The following RINT1 variants were observed in gnomAD, a reference collection of about 807,000 sequenced individuals.
The protein encoded by RINT1 is RAD50-interacting protein 1.
RINT1 carries 75 observed loss-of-function variants against 97.7 expected under a neutral mutation model. The observed-to-expected ratio is 0.77, with a 90% CI of 0.64 to 0.93. The LOEUF (loss-of-function observed/expected upper bound fraction) is 0.93, where lower values mean the gene tolerates loss of function less well. Ranked by LOEUF, RINT1 falls within the 40% of genes least tolerant of loss-of-function variation. The pLI, the probability that RINT1 is intolerant of heterozygous loss-of-function variation, is 0.00. For synonymous variants in RINT1, 303 were observed against 326.3 expected (o/e 0.93, Z 0.77); for missense variants, 892 against 925.2 (o/e 0.96, Z 0.47).
At chr7:105,537,376 T>C (rs62486989) in intron 3 of RINT1, among the ~76,000 whole-genome samples, 3 of 151,760 alleles carry the variant, frequency 2.0e-5, no homozygotes, top group African/African-American at 7.2e-5. Context: ...GTGATCCACC[T>C]GCCTTGGCCT....
chr7:105,545,935 C>T (rs1297265751), intron 4 of RINT1, among the ~76,000 whole-genome samples: 1 of 142,742 alleles, frequency 7.0e-6, no homozygotes, highest in Non-Finnish European at 1.5e-5. Flanking sequence ...TCCCGAGTAG[C>T]TGGGATTACA....
rs555579146 is a variant in RINT1, at chr7:105,536,498, T to C, written c.89-67T>C. ...TGAAGGCAGATAAACTGCTTTTATA[T>C]GTTTTATATTTTCTTTAACTCCATA... is the stretch of plus-strand genomic sequence containing the variant. On this transcript the variant is annotated intron_variant, in intron 2 of 14. Coordinates refer to ENST00000257700, the MANE Select transcript of RINT1 (RefSeq NM_021930.6). 18 of 1,173,964 alleles carry C rather than the reference T, an allele frequency of 1.5e-5. No individual in the cohort carries two copies. In the East Asian group the frequency reaches 3.5e-4, roughly 23 times the overall value. The allele number at this position is 1,173,964 out of a possible 1,614,324, so 72.7% of individuals were successfully genotyped here.
At position 105,536,632 on chromosome 7, in the gene RINT1, C is replaced by A; in HGVS notation, c.156C>A (p.Leu52=). The A allele has an allele frequency of 6.2e-7, 1 of 1,611,914 alleles. No homozygotes were observed. Among genetic ancestry groups the A allele is most frequent in the Non-Finnish European group, 8.5e-7 (1 of 1,178,658 alleles). Residue 52 remains leucine (L), a synonymous_variant, in exon 3 of 15, where the codon CTC becomes CTA. Coordinates refer to ENST00000257700, the MANE Select transcript of RINT1 (RefSeq NM_021930.6). ...GTGAAGGTACAGATAATGGTGATCT[C>A]CCTTCTTATGTGTCTGCATTCATAG... ...QVSEGTDNGD[L]PSYVSAFIEK...
At chr7:105,563,687 G>C (rs766403450) in intron 11 of RINT1, 46 bp from the exon 12 acceptor site, 5 of 1,477,394 alleles carry the variant, frequency 3.4e-6, no homozygotes, top group Non-Finnish European at 4.7e-6. Context: ...ATTTCAAACT[G>C]TTAAAAAAAA....
intron 2 of RINT1, among the ~76,000 whole-genome samples, chr7:105,535,899 T>G (rs1160665164): frequency 6.6e-6 from 1 of 152,204 alleles, no homozygotes; most frequent in Non-Finnish European, 1.5e-5. Flanking sequence ...ATACTACTGG[T>G]TCCTTACACA....
intron 4 of RINT1, 85 bp from the exon 5 acceptor site, chr7:105,546,825 A>C: frequency 1.1e-6 from 1 of 952,218 alleles, no homozygotes. Context: ...GCATTGAGCC[A>C]AATCATGCCA....
intron 11 of RINT1, among the ~76,000 whole-genome samples, chr7:105,562,927 C>A (rs1693022158): frequency 6.6e-6 from 1 of 151,642 alleles, no homozygotes; most frequent in South Asian, 2.1e-4. Context: ...AAAAACAAAA[C>A]AAAAAAAACT....
intron 6 of RINT1, 31 bp downstream of exon 6, chr7:105,547,364 A>G: frequency 1.2e-6 from 2 of 1,605,954 alleles, no homozygotes; most frequent in Non-Finnish European, 1.7e-6. Flanking sequence ...AACTTACTAA[A>G]ATTTCTTTTT....
intron 6 of RINT1, 113 bp downstream of exon 6, chr7:105,547,446 G>A: frequency 9.5e-7 from 1 of 1,056,922 alleles, no homozygotes; most frequent in Non-Finnish European, 1.4e-6. Context: ...AGAATCCTGT[G>A]TTTGGACTTG....
At chr7:105,555,325 C>T in intron 11 of RINT1, 98 bp downstream of exon 11, 2 of 942,486 alleles carry the variant, frequency 2.1e-6, no homozygotes, top group Non-Finnish European at 3.1e-6. Context: ...CAAAAATAAA[C>T]ATGCTAGACA....
chr7:105,542,293 C>G lies in RINT1; in HGVS notation c.274-115C>G, dbSNP rs964577676. On this transcript the variant is annotated intron_variant, in intron 3 of 14. Transcript: ENST00000257700. Reference sequence around the variant, plus strand: ...CAGGCTGCAGTGAGCTATGATGGTACCACTGCACTCCAGCCTGGGCAACAG... The same window carrying G: ...CAGGCTGCAGTGAGCTATGATGGTAGCACTGCACTCCAGCCTGGGCAACAG... 6 of 732,924 alleles carry G rather than the reference C, an allele frequency of 8.2e-6. No homozygotes were observed. In the Admixed American group the frequency reaches 1.1e-4, roughly 13 times the overall value. The allele number at this position is 732,924 out of a possible 1,614,324, so 45.4% of individuals were successfully genotyped here.
chr7:105,554,975 T>G, intron 10 of RINT1, 53 bp from the exon 11 acceptor site: 1 of 1,420,528 alleles, frequency 7.0e-7, no homozygotes, highest in Non-Finnish European at 9.8e-7. Context: ...AACTTATAAC[T>G]ATATCATAGA....
intron 10 of RINT1, among the ~76,000 whole-genome samples, chr7:105,553,404 A>G (rs1441985686): frequency 2.7e-5 from 4 of 149,296 alleles, no homozygotes; most frequent in Non-Finnish European, 6.0e-5. Flanking sequence ...TTTTTTTTGT[A>G]TTTTTACTAA....
chr7:105,540,720 A>G (rs1790421134), intron 3 of RINT1, among the ~76,000 whole-genome samples: 1 of 151,068 alleles, frequency 6.6e-6, no homozygotes, highest in South Asian at 2.1e-4. Flanking sequence ...TTCTAAAGGC[A>G]TTGCCTGGAT....
At chr7:105,551,511 G>A in intron 9 of RINT1, 59 bp from the exon 10 acceptor site, 1 of 1,409,504 alleles carries the variant, frequency 7.1e-7, no homozygotes, top group Non-Finnish European at 9.5e-7. Context: ...ATTACAAGTT[G>A]AATAATTAGG....
chr7:105,536,647 T>G lies in RINT1; in HGVS notation c.171T>G (p.Ser57=). The G allele has an allele frequency of 6.2e-7, 1 of 1,612,650 alleles. No individual in the cohort carries two copies. The stretch of plus-strand genomic sequence containing the variant: ...ATGGTGATCTCCCTTCTTATGTGTC[T>G]GCATTCATAGAAAAGGAAGTTGGAA... ...TDNGDLPSYV[S]AFIEKEVGND... is the part of the protein sequence containing the mutation. Residue 57 remains serine, a synonymous_variant, in exon 3 of 15, where the codon TCT becomes TCG. Coordinates refer to ENST00000257700, the MANE Select transcript of RINT1 (RefSeq NM_021930.6).
chr7:105,562,026 C>T (rs1312770877), intron 11 of RINT1, among the ~76,000 whole-genome samples: 3 of 152,074 alleles, frequency 2.0e-5, no homozygotes, highest in Non-Finnish European at 4.4e-5. Context: ...CTAATCTTCC[C>T]TAAAGCCAAT....
At chr7:105,545,617 C>G (rs905382941) in intron 4 of RINT1, among the ~76,000 whole-genome samples, 10 of 151,558 alleles carry the variant, frequency 6.6e-5, no homozygotes, top group Non-Finnish European at 1.3e-4. Flanking sequence ...CCTCTGTCTT[C>G]TGGGTTCAAG....
At chr7:105,556,215 C>T (rs1321007897) in intron 11 of RINT1, among the ~76,000 whole-genome samples, 1 of 151,580 alleles carries the variant, frequency 6.6e-6, no homozygotes, top group Non-Finnish European at 1.5e-5. Flanking sequence ...TACAGGCACC[C>T]GCCACCATGC....
Sources: allele counts gnomAD v4.1 joint callset (sites outside exome capture counted in the v4.1 genomes callset), GRCh38; gene constraint gnomAD v4.1.1; transcripts MANE v1.5; gene names NCBI Gene and HGNC (gene_info 2026-07-23, HGNC 2026-07-21).